SLC9C2: variants seen among roughly 807,000 people sequenced by gnomAD.
The protein encoded by SLC9C2 is sodium/hydrogen exchanger 11.
SLC9C2 carries 75 observed loss-of-function variants against 140.2 expected under a neutral mutation model. That is an observed-to-expected ratio of 0.53 (90% CI 0.44 to 0.65). SLC9C2 has a LOEUF of 0.65. Ranked by LOEUF, SLC9C2 falls within the 30% of genes least tolerant of loss-of-function variation. The pLI is 0.00. For missense variants in SLC9C2, 1,074 were observed against 1,331.8 expected (o/e 0.81, Z 3.01); for synonymous variants, 375 against 420.9 (o/e 0.89, Z 1.34).
rs1659907558 is a variant in SLC9C2 at position 173,509,712 on chromosome 1, G to T, written c.2908-13C>A. On this transcript the variant is annotated splice_polypyrimidine_tract_variant and intron_variant, in intron 23 of 27. Coordinates refer to ENST00000367714, the MANE Select transcript of SLC9C2 (RefSeq NM_178527.4). ...AGATAAAGCAGGCCTGAAACAAAAA[G>T]GAACCAGGCCATAGCAGCTTGATGT... 6.3e-7 allele frequency: 1 copy of T among 1,579,340 alleles called. No homozygotes were observed. The highest frequency in any genetic ancestry group is 8.5e-7 in the Non-Finnish European group (1 of 1,169,942).
intron 5 of SLC9C2, among the ~76,000 whole-genome samples, chr1:173,586,480 T>C (rs1424942231): frequency 6.6e-6 from 1 of 152,218 alleles, no homozygotes; most frequent in Non-Finnish European, 1.5e-5. Flanking sequence ...ATGTTGATAC[T>C]GCTGTGTTAA....
intron 24 of SLC9C2, 107 bp downstream of exon 24, chr1:173,509,461 A>G (rs1278643706): frequency 6.2e-6 from 7 of 1,136,796 alleles, no homozygotes; most frequent in Non-Finnish European, 8.3e-6. Flanking sequence ...AAAAAAAATC[A>G]AACACAAATT....
intron 4 of SLC9C2, among the ~76,000 whole-genome samples, chr1:173,590,060 T>A (rs955841690): frequency 6.6e-6 from 1 of 152,038 alleles, no homozygotes; most frequent in South Asian, 2.1e-4. Flanking sequence ...CTGGCCAACA[T>A]GGTGAAACCC....
At chr1:173,576,783 T>C in intron 7 of SLC9C2, 23 bp from the exon 8 acceptor site, 1 of 1,423,038 alleles carries the variant, frequency 7.0e-7, no homozygotes. Flanking sequence ...AAAAAACAAA[T>C]GAATCAAATG....
chr1:173,504,987 T>C (rs1290010111), intron 26 of SLC9C2, among the ~76,000 whole-genome samples: 2 of 152,102 alleles, frequency 1.3e-5, no homozygotes, highest in Non-Finnish European at 2.9e-5. Flanking sequence ...ACAGAGTGCA[T>C]TGCAGAAGCT....
intron 14 of SLC9C2, among the ~76,000 whole-genome samples, chr1:173,536,663 G>A (rs1029313555): frequency 1.3e-5 from 2 of 152,064 alleles, no homozygotes; most frequent in Non-Finnish European, 2.9e-5. Context: ...ATGGATTCCC[G>A]AGTGTCTTAT....
chr1:173,509,727 CAG>C, intron 23 of SLC9C2, 28 bp from the exon 24 acceptor site: 1 of 1,562,628 alleles, frequency 6.4e-7, no homozygotes, highest in Non-Finnish European at 8.6e-7. Context: ...CAGGCCATAG[CAG>C]CTTGATGTGG....
chr1:173,527,710 G>A (rs1435289602), intron 18 of SLC9C2, among the ~76,000 whole-genome samples: 1 of 152,090 alleles, frequency 6.6e-6, no homozygotes, highest in Non-Finnish European at 1.5e-5. Context: ...AGGGTTGTCA[G>A]GTACAGATGT....
chr1:173,569,079 C>T (rs951487374), intron 9 of SLC9C2, among the ~76,000 whole-genome samples: 22 of 152,066 alleles, frequency 1.4e-4, no homozygotes, highest in African/African-American at 5.3e-4. Context: ...CACAGATATA[C>T]TATTCTTGGG....
chr1:173,505,155 C>T, intron 26 of SLC9C2, 92 bp downstream of exon 26: 1 of 1,070,150 alleles, frequency 9.3e-7, no homozygotes, highest in Non-Finnish European at 1.4e-6. Context: ...ACATAGTGCC[C>T]TCTCAAATCA....
At chr1:173,569,665 T>C (rs2102165239) in intron 9 of SLC9C2, among the ~76,000 whole-genome samples, 1 of 152,228 alleles carries the variant, frequency 6.6e-6, no homozygotes, top group South Asian at 2.1e-4. Context: ...CTTCTGACTG[T>C]GTATTCTTGA....
chr1:173,523,768 A>G (rs1660995963), intron 21 of SLC9C2, among the ~76,000 whole-genome samples: 1 of 152,260 alleles, frequency 6.6e-6, no homozygotes, highest in South Asian at 2.1e-4. Context: ...ATAAGCGGAT[A>G]AGCCATTGTG....
intron 4 of SLC9C2, among the ~76,000 whole-genome samples, chr1:173,593,268 T>C (rs1391066564): frequency 6.6e-6 from 1 of 152,144 alleles, no homozygotes; most frequent in Non-Finnish European, 1.5e-5. Flanking sequence ...ATGCCTGTAA[T>C]CCCAGCACTT....
Position 173,600,181 on chromosome 1 carries a change from A to G in SLC9C2, c.164T>C (p.Ile55Thr). 6.2e-7 allele frequency: 1 copy of G among 1,612,828 alleles called. No individual in the cohort carries two copies. Among genetic ancestry groups the G allele is most frequent in the Non-Finnish European group, 8.5e-7 (1 of 1,179,352 alleles). The change falls in exon 3 of 28, where the codon ATT (isoleucine) becomes ACT (threonine). Residue 55 changes from isoleucine to threonine, a missense_variant. By Grantham distance (89) the Ile-to-Thr change is moderately conservative. Coordinates refer to ENST00000367714, the MANE Select transcript of SLC9C2 (RefSeq NM_178527.4). The stretch of plus-strand genomic sequence containing the variant: ...TGATAGAGAAAGAATCGTCAAAACA[A>G]TGACTTCACAATTCTTTAAACACAT... ...LKMCLKNCEVIVLTILSLSGF... is the reference protein window; with the variant it reads ...LKMCLKNCEVTVLTILSLSGF...
At chr1:173,509,970 C>CT (rs1659928135) in intron 23 of SLC9C2, among the ~76,000 whole-genome samples, 1 of 152,132 alleles carries the variant, frequency 6.6e-6, no homozygotes, top group Admixed American at 6.5e-5. Flanking sequence ...AAGGATATGG[C>CT]TCATGAGCCC....
intron 12 of SLC9C2, 109 bp downstream of exon 12, chr1:173,548,280 G>T: frequency 8.9e-7 from 1 of 1,121,378 alleles, no homozygotes; most frequent in Non-Finnish European, 1.3e-6. Context: ...TCTCCCCTCA[G>T]TTTTGTGACA....
chr1:173,598,540 G>C (rs1364985941), intron 3 of SLC9C2, among the ~76,000 whole-genome samples: 1 of 152,134 alleles, frequency 6.6e-6, no homozygotes, highest in Non-Finnish European at 1.5e-5. Context: ...AATCATGAAG[G>C]TTGTACACAG....
Position 173,548,401 on chromosome 1 carries a change from G to C in SLC9C2, c.1449C>G (p.Ile483Met). ...NWTLVEDKTRIEYIPFSHVSH... is the reference protein window; with the variant it reads ...NWTLVEDKTRMEYIPFSHVSH... ...GGTATCAACTCACAGGAATGTATTCGATCCTCGTTTTATCTTCTACTAAGG... is the reference window on the plus strand; with the variant it reads ...GGTATCAACTCACAGGAATGTATTCCATCCTCGTTTTATCTTCTACTAAGG... The change falls in exon 12 of 28, where the codon ATC becomes ATG. Residue 483 changes from isoleucine to methionine, a missense_variant. Ile to Met is a conservative substitution (Grantham distance 10, BLOSUM62 1). Transcript: ENST00000367714. 6 of 1,612,052 alleles carry C rather than the reference G, an allele frequency of 3.7e-6. No homozygotes were observed. The highest frequency in any genetic ancestry group is 5.1e-6 in the Non-Finnish European group (6 of 1,179,270).
intron 7 of SLC9C2, among the ~76,000 whole-genome samples, chr1:173,581,591 C>A (rs936593807): frequency 1.3e-5 from 2 of 151,946 alleles, no homozygotes; most frequent in African/African-American, 4.8e-5. Flanking sequence ...TGACTATATA[C>A]AAAGTCAAAT....
Sources: gnomAD v4.1 joint callset for allele counts (sites outside exome capture counted in the v4.1 genomes callset) on GRCh38, gnomAD v4.1.1 for gene constraint, MANE v1.5 for transcripts, NCBI Gene and HGNC (gene_info 2026-07-23, HGNC 2026-07-21) for gene names.